Variants in CTNNA2 observed in about 807,000 individuals in gnomAD.
CTNNA2 encodes catenin alpha 2.
CTNNA2 carries 42 observed loss-of-function variants against 101.0 expected under a neutral mutation model. The observed-to-expected ratio is 0.42, with a 90% CI of 0.32 to 0.54. CTNNA2 has a LOEUF of 0.54. CTNNA2 is among the 20% of genes least tolerant of loss of function. The pLI, the probability that CTNNA2 is intolerant of heterozygous loss-of-function variation, is 0.14. For missense variants in CTNNA2, 871 were observed against 1,223.1 expected, an observed-to-expected ratio of 0.71 and a Z score of 4.29; for synonymous variants, 450 against 456.4, an observed-to-expected ratio of 0.99 and a Z score of 0.18.
At chr2:79,386,728 G>A (rs1444659029) in intron 4 of CTNNA2, among the ~76,000 whole-genome samples, 4 of 152,094 alleles carry the variant, frequency 2.6e-5, no homozygotes, top group Non-Finnish European at 5.9e-5. Flanking sequence ...TCCCTTAAAT[G>A]TATTGTAAAT....
chr2:79,807,574 ATATTT>A (rs1435989837), intron 3 of CTNNA2, among the ~76,000 whole-genome samples: 1 of 152,176 alleles, frequency 6.6e-6, no homozygotes, highest in African/African-American at 2.4e-5. Context: ...TGAATTTATT[ATATTT>A]TATTCAGTGT....
chr2:79,702,157 G>A (rs1321429340), intron 2 of CTNNA2, among the ~76,000 whole-genome samples: 2 of 151,938 alleles, frequency 1.3e-5, no homozygotes, highest in Non-Finnish European at 2.9e-5. Context: ...TGAGTCGGGG[G>A]TTGCAGTGCA....
chr2:80,200,964 G>A (rs549949504), intron 7 of CTNNA2, among the ~76,000 whole-genome samples: 3 of 152,032 alleles, frequency 2.0e-5, no homozygotes, highest in South Asian at 4.1e-4. Flanking sequence ...AAGTATTCAC[G>A]GGGAATTGAT....
intron 9 of CTNNA2, among the ~76,000 whole-genome samples, chr2:80,536,762 A>C (rs185239303): frequency 6.6e-6 from 1 of 152,200 alleles, no homozygotes; most frequent in African/African-American, 2.4e-5. Context: ...TGTTCAAACA[A>C]GACTGTGGCT....
intron 9 of CTNNA2, among the ~76,000 whole-genome samples, chr2:80,469,724 G>A (rs1030884999): frequency 6.6e-6 from 1 of 152,052 alleles, no homozygotes; most frequent in South Asian, 2.1e-4. Context: ...GGTACCTTAT[G>A]GGGGGTATAG....
chr2:79,880,892 C>G (rs946574688), intron 6 of CTNNA2, among the ~76,000 whole-genome samples: 2 of 151,980 alleles, frequency 1.3e-5, no homozygotes, highest in Non-Finnish European at 2.9e-5. Context: ...GCCTCTCTAG[C>G]TCTTTTAATT....
intron 9 of CTNNA2, among the ~76,000 whole-genome samples, chr2:80,430,655 G>GT (rs1681408513): frequency 6.6e-6 from 1 of 152,176 alleles, no homozygotes; most frequent in Non-Finnish European, 1.5e-5. Flanking sequence ...GAAGAGTGGT[G>GT]TGATGGATTA....
At chr2:80,614,431 T>TTTCA (rs1398878991) in intron 17 of CTNNA2, among the ~76,000 whole-genome samples, 2 of 151,390 alleles carry the variant, frequency 1.3e-5, no homozygotes, top group Non-Finnish European at 3.0e-5. Flanking sequence ...TGTGTGTAGG[T>TTTCA]TTCATGTAAA....
intron 4 of CTNNA2, among the ~76,000 whole-genome samples, chr2:79,474,142 C>T (rs1024784971): frequency 6.6e-5 from 10 of 151,906 alleles, no homozygotes; most frequent in African/African-American, 1.9e-4. Context: ...ATGTATTACA[C>T]CAATGACATA....
At chr2:79,872,395 TA>T (rs1682659694) in intron 5 of CTNNA2, among the ~76,000 whole-genome samples, 2 of 152,194 alleles carry the variant, frequency 1.3e-5, no homozygotes, top group East Asian at 3.8e-4. Flanking sequence ...TTATTTTTTT[TA>T]GTATAGATAC....
At chr2:79,988,472 G>GTGTGTA (rs1691928617) in intron 7 of CTNNA2, among the ~76,000 whole-genome samples, 1 of 38,042 alleles carries the variant, frequency 2.6e-5, no homozygotes, top group South Asian at 9.6e-4. Flanking sequence ...GTGTATGTGT[G>GTGTGTA]TGTGTGTGTG....
chr2:80,398,361 A>G (rs577417930), intron 8 of CTNNA2, among the ~76,000 whole-genome samples: 1 of 152,180 alleles, frequency 6.6e-6, no homozygotes, highest in Non-Finnish European at 1.5e-5. Context: ...AACAAAATAT[A>G]TTACAGAATA....
rs11886034 is a variant in CTNNA2 at position 80,046,142 on chromosome 2, C to A, written c.1056+136345C>A. The stretch of plus-strand genomic sequence containing the variant: ...AATAAAACAAGTTCCATCATCAGTC[C>A]CTTGTCCACAAATGTAAAGACAGTG... On this transcript the variant is annotated intron_variant, in intron 7 of 18. Coordinates refer to ENST00000402739, the MANE Select transcript of CTNNA2 (RefSeq NM_001282597.3). Among the ~76,000 whole-genome samples the A allele has an allele frequency of 4.7e-3, 711 of 152,266 alleles. 4 individuals are homozygous for A. The highest frequency in any genetic ancestry group is 0.015 in the African/African-American group (630 of 41,564).
intron 9 of CTNNA2, among the ~76,000 whole-genome samples, chr2:80,494,431 C>T (rs934821263): frequency 1.3e-5 from 2 of 152,070 alleles, no homozygotes; most frequent in African/African-American, 4.8e-5. Context: ...TCCCTGATGA[C>T]AGGTGATGTT....
intron 12 of CTNNA2, among the ~76,000 whole-genome samples, chr2:80,566,421 A>C (rs1694068508): frequency 6.6e-6 from 1 of 152,226 alleles, no homozygotes; most frequent in African/African-American, 2.4e-5. Flanking sequence ...TCTCAGAGGC[A>C]TCTGTCACAC....
chr2:79,303,102 T>A (rs1048574853), intron 2 of CTNNA2, among the ~76,000 whole-genome samples: 1 of 152,136 alleles, frequency 6.6e-6, no homozygotes, highest in Admixed American at 6.5e-5. Context: ...TTATTATTAT[T>A]TTCAGTTTAC....
chr2:80,056,545 G>A (rs1216043553), intron 7 of CTNNA2, among the ~76,000 whole-genome samples: 2 of 152,284 alleles, frequency 1.3e-5, no homozygotes, highest in Middle Eastern at 3.4e-3. Context: ...TAGGGATCAA[G>A]CCTCAGCGAT....
chr2:79,816,654 A>G (rs571532630), intron 3 of CTNNA2, among the ~76,000 whole-genome samples: 2 of 152,286 alleles, frequency 1.3e-5, no homozygotes, highest in African/African-American at 4.8e-5. Context: ...AATCAAATGT[A>G]TGTGTTAGGT....
chr2:79,255,091 G>T (rs1461520038), intron 2 of CTNNA2, among the ~76,000 whole-genome samples: 2 of 152,130 alleles, frequency 1.3e-5, no homozygotes, highest in Non-Finnish European at 2.9e-5. Flanking sequence ...TAACCGGTTT[G>T]GGAAATCTCT....
Sources: gnomAD v4.1 joint callset for allele counts (sites outside exome capture counted in the v4.1 genomes callset) on GRCh38, gnomAD v4.1.1 for gene constraint, MANE v1.5 for transcripts, NCBI Gene and HGNC (gene_info 2026-07-23, HGNC 2026-07-21) for gene names.